NR2F1-AS1: variants seen among roughly 807,000 people sequenced by gnomAD.
NR2F1-AS1 encodes NR2F1 regulatory antisense RNA 1, also known as NR2F1 antisense RNA 1.
At chr5:93,426,990 G>A (rs908634492) in intron 4 of NR2F1-AS1, among the ~76,000 whole-genome samples, 3 of 152,136 alleles carry the variant, frequency 2.0e-5, no homozygotes, top group African/African-American at 4.8e-5. Flanking sequence ...TCTGGGCATC[G>A]ATATGGAATC....
intron 4 of NR2F1-AS1, among the ~76,000 whole-genome samples, chr5:93,464,800 C>T (rs1311354524): frequency 6.6e-6 from 1 of 152,170 alleles, no homozygotes; most frequent in Non-Finnish European, 1.5e-5. Flanking sequence ...ACTGAATTGG[C>T]CAACATTTAC....
At chr5:93,452,189 G>C (rs1749845787) in intron 4 of NR2F1-AS1, among the ~76,000 whole-genome samples, 2 of 151,314 alleles carry the variant, frequency 1.3e-5, no homozygotes, top group Admixed American at 1.3e-4. Context: ...AAAAAACACT[G>C]TTACTCTTAT....
intron 4 of NR2F1-AS1, among the ~76,000 whole-genome samples, chr5:93,480,895 G>A (rs2097373101): frequency 6.6e-6 from 1 of 151,908 alleles, no homozygotes; most frequent in Non-Finnish European, 1.5e-5. Context: ...TGAAGAGGAT[G>A]TCAAAATATT....
chr5:93,443,980 C>A (rs565847984), intron 4 of NR2F1-AS1, among the ~76,000 whole-genome samples: 3 of 152,112 alleles, frequency 2.0e-5, no homozygotes, highest in Non-Finnish European at 4.4e-5. Context: ...AAATAAAATC[C>A]TTTACAGACA....
At chr5:93,496,025 T>C (rs962867216) in intron 4 of NR2F1-AS1, 1 of 152,142 alleles carries the variant, frequency 6.6e-6, no homozygotes, top group African/African-American at 2.4e-5. Context: ...AATACCACTA[T>C]GATGTAATAT....
At chr5:93,523,633 G>A (rs373865456) in intron 4 of NR2F1-AS1, among the ~76,000 whole-genome samples, 13 of 152,248 alleles carry the variant, frequency 8.5e-5, no homozygotes, top group African/African-American at 3.1e-4. Context: ...GTGCCCCTCT[G>A]GGACGAAGCT....
intron 4 of NR2F1-AS1, among the ~76,000 whole-genome samples, chr5:93,536,420 G>T (rs1245922793): frequency 6.6e-6 from 1 of 151,724 alleles, no homozygotes; most frequent in Non-Finnish European, 1.5e-5. Context: ...ATTTTTCATG[G>T]AAATAGAAAA....
At chr5:93,440,007 C>A (rs982597955) in intron 4 of NR2F1-AS1, among the ~76,000 whole-genome samples, 1 of 152,152 alleles carries the variant, frequency 6.6e-6, no homozygotes, top group Non-Finnish European at 1.5e-5. Flanking sequence ...ACATAATAGA[C>A]ACCCAATCAG....
intron 4 of NR2F1-AS1, among the ~76,000 whole-genome samples, chr5:93,479,924 C>T (rs1308950440): frequency 6.6e-6 from 1 of 151,650 alleles, no homozygotes; most frequent in Non-Finnish European, 1.5e-5. Flanking sequence ...AGAAGAGGGG[C>T]TCAGGCAAAA....
intron 4 of NR2F1-AS1, among the ~76,000 whole-genome samples, chr5:93,484,587 A>G (rs1750676184): frequency 6.6e-6 from 1 of 152,178 alleles, no homozygotes; most frequent in South Asian, 2.1e-4. Flanking sequence ...ACAGGGTCAA[A>G]TTCACACAGA....
intron 4 of NR2F1-AS1, among the ~76,000 whole-genome samples, chr5:93,475,439 T>C (rs1256876927): frequency 6.6e-6 from 1 of 152,206 alleles, no homozygotes; most frequent in Non-Finnish European, 1.5e-5. Flanking sequence ...CTGCCTACAT[T>C]AACCAGAATT....
intron 4 of NR2F1-AS1, among the ~76,000 whole-genome samples, chr5:93,474,452 A>T (rs576275185): frequency 6.6e-6 from 1 of 152,312 alleles, no homozygotes; most frequent in Non-Finnish European, 1.5e-5. Context: ...GTCTTAGTCC[A>T]TTCAGGCTGC....
chr5:93,553,917 A>C (rs1230209243), intron 3 of NR2F1-AS1: 1 of 152,204 alleles, frequency 6.6e-6, no homozygotes, highest in Non-Finnish European at 1.5e-5. Flanking sequence ...AAAATGATCT[A>C]TACAGAAATA....
rs994437944 is a variant in NR2F1-AS1, at chr5:93,579,911, A to G, written n.313+556T>C. ...TTAATCCGCTGACACTATCGCCCACATCAGACAGGCAGCCATCGATCGCGT... is the reference window on the plus strand; with the variant it reads ...TTAATCCGCTGACACTATCGCCCACGTCAGACAGGCAGCCATCGATCGCGT... On this transcript the variant is annotated intron_variant and non_coding_transcript_variant, in intron 1 of 5. Coordinates refer to ENST00000660523, the Ensembl canonical transcript of NR2F1-AS1. The surrounding 1 kb of genome is among the most constrained non-coding windows in gnomAD (Gnocchi z 5.1). Among the ~76,000 whole-genome samples the G allele has an allele frequency of 6.6e-6, 1 of 152,166 alleles. No individual in the cohort carries two copies. Among genetic ancestry groups the G allele is most frequent in the Non-Finnish European group, 1.5e-5 (1 of 68,028 alleles).
intron 4 of NR2F1-AS1, among the ~76,000 whole-genome samples, chr5:93,520,790 T>C (rs192199660): frequency 1.6e-4 from 25 of 152,272 alleles, no homozygotes; most frequent in African/African-American, 4.8e-4. Context: ...TCTGTGACCA[T>C]ATAAAATACA....
chr5:93,457,297 T>G (rs1749972367), intron 4 of NR2F1-AS1, among the ~76,000 whole-genome samples: 2 of 152,122 alleles, frequency 1.3e-5, no homozygotes, highest in African/African-American at 2.4e-5. Context: ...GTGTTTTGTG[T>G]CCCCGGGTAC....
At chr5:93,508,388 G>C (rs1308133776) in intron 4 of NR2F1-AS1, among the ~76,000 whole-genome samples, 1 of 152,054 alleles carries the variant, frequency 6.6e-6, no homozygotes, top group Non-Finnish European at 1.5e-5. Flanking sequence ...GAAACGAAAA[G>C]TTATTTTCAT....
intron 1 of NR2F1-AS1, among the ~76,000 whole-genome samples, chr5:93,567,077 T>C (rs1752635274): frequency 6.6e-6 from 1 of 152,122 alleles, no homozygotes; most frequent in Admixed American, 6.5e-5. Context: ...TATCATCTGA[T>C]ATTCTCAGTC....
intron 4 of NR2F1-AS1, among the ~76,000 whole-genome samples, chr5:93,446,650 G>A (rs968317173): frequency 3.9e-5 from 6 of 152,126 alleles, no homozygotes; most frequent in Admixed American, 1.3e-4. Flanking sequence ...TAGATTCAAT[G>A]CTATCCCCAT....
Sources: gnomAD v4.1 joint callset for allele counts (sites outside exome capture counted in the v4.1 genomes callset) on GRCh38, gnomAD v4.1.1 for gene constraint, Gnocchi (gnomAD v3.1) non-coding constraint, MANE v1.5 for transcripts, NCBI Gene and HGNC (gene_info 2026-07-23, HGNC 2026-07-21) for gene names.